FNDC3B: variants seen among roughly 807,000 people sequenced by gnomAD.
FNDC3B encodes the protein fibronectin type III domain-containing protein 3B.
In FNDC3B, 12 loss-of-function variants were observed where a neutral mutation model predicts 151.5. That is an observed-to-expected ratio of 0.08 (90% confidence interval 0.05 to 0.13). The LOEUF (loss-of-function observed/expected upper bound fraction) is 0.13, where lower values mean the gene tolerates loss of function less well. Ranked by LOEUF, FNDC3B falls within the 10% of genes least tolerant of loss-of-function variation. The pLI, the probability that FNDC3B is intolerant of heterozygous loss-of-function variation, is 1.00. For missense variants in FNDC3B, 1,214 were observed against 1,505.3 expected (o/e 0.81, Z 3.20); for synonymous variants, 528 against 549.0 (o/e 0.96, Z 0.54).
chr3:172,189,404 T>C (rs1170106265), intron 3 of FNDC3B, among the ~76,000 whole-genome samples: 2 of 152,200 alleles, frequency 1.3e-5, no homozygotes, highest in Admixed American at 1.3e-4. Context: ...TATGACAAGG[T>C]GTTCCTACCT....
intron 22 of FNDC3B, among the ~76,000 whole-genome samples, chr3:172,361,096 C>G (rs1734333789): frequency 6.6e-6 from 1 of 152,102 alleles, no homozygotes; most frequent in Admixed American, 6.5e-5. Context: ...CCTCCTAGGC[C>G]TCTGGAGGAG....
chr3:172,332,361 A>G (rs947580880), intron 13 of FNDC3B, among the ~76,000 whole-genome samples: 3 of 152,364 alleles, frequency 2.0e-5, no homozygotes, highest in South Asian at 2.1e-4. Flanking sequence ...AGCCCTCACC[A>G]GTTCCACCAC....
intron 1 of FNDC3B, among the ~76,000 whole-genome samples, chr3:172,111,785 G>A (rs1188265193): frequency 6.6e-6 from 1 of 152,082 alleles, no homozygotes; most frequent in East Asian, 1.9e-4. Context: ...AGTATTAAAG[G>A]GTTCATTGAC....
At chr3:172,085,998 T>C (rs1718530141) in intron 1 of FNDC3B, among the ~76,000 whole-genome samples, 1 of 152,184 alleles carries the variant, frequency 6.6e-6, no homozygotes, top group South Asian at 2.1e-4. Context: ...TTAAAAAATA[T>C]TACTTGTAAA....
intron 1 of FNDC3B, among the ~76,000 whole-genome samples, chr3:172,090,008 G>C (rs1718733649): frequency 6.6e-6 from 1 of 152,200 alleles, no homozygotes; most frequent in Non-Finnish European, 1.5e-5. Context: ...GAGTTGAACA[G>C]TTGTGTTTAA....
intron 22 of FNDC3B, among the ~76,000 whole-genome samples, chr3:172,359,242 T>C (rs953889856): frequency 6.6e-6 from 1 of 152,204 alleles, no homozygotes; most frequent in African/African-American, 2.4e-5. Context: ...TAAATTCTTA[T>C]AAGTGATTTA....
intron 6 of FNDC3B, among the ~76,000 whole-genome samples, chr3:172,274,141 G>A (rs906376405): frequency 3.3e-5 from 5 of 152,124 alleles, no homozygotes; most frequent in Non-Finnish European, 7.4e-5. Flanking sequence ...AATTATTATA[G>A]GATATGGTCT....
intron 6 of FNDC3B, among the ~76,000 whole-genome samples, chr3:172,285,448 G>A (rs145594383): frequency 1.3e-5 from 2 of 152,128 alleles, no homozygotes; most frequent in Admixed American, 6.5e-5. Flanking sequence ...GTGGCTGCCC[G>A]TCGAACGTAA....
chr3:172,357,748 A>G (rs1355941318), intron 22 of FNDC3B, among the ~76,000 whole-genome samples: 1 of 151,556 alleles, frequency 6.6e-6, no homozygotes, highest in Non-Finnish European at 1.5e-5. Context: ...TTTTTTTTTC[A>G]ATTTTGAATG....
chr3:172,397,614 G>A lies in FNDC3B; in HGVS notation c.*139G>A, dbSNP rs1164569842. On this transcript the variant is annotated 3_prime_UTR_variant, in exon 26 of 26. Transcript: ENST00000415807. ...AGATTTAGCTAGAAAAAAAATGTCA[G>A]TGTTTTGGTGCACCTTTTTGAAATG... 4.4e-6 allele frequency: 2 copies of A among 453,744 alleles called. No individual in the cohort carries two copies. Among genetic ancestry groups the A allele is most frequent in the Non-Finnish European group, 7.4e-6 (2 of 271,494 alleles). 28.1% of individuals were successfully genotyped at this position (453,744 alleles called of 1,614,324 possible). A position where few individuals can be genotyped will look rare whatever the true frequency, so the allele number is the denominator to read the frequency against.
chr3:172,100,946 C>T (rs1719350394), intron 1 of FNDC3B, among the ~76,000 whole-genome samples: 1 of 152,214 alleles, frequency 6.6e-6, no homozygotes, highest in Admixed American at 6.5e-5. Flanking sequence ...TCTACAATTG[C>T]TTATGTCAGA....
chr3:172,353,699 G>A (rs1483373527), intron 22 of FNDC3B, among the ~76,000 whole-genome samples: 2 of 152,182 alleles, frequency 1.3e-5, no homozygotes, highest in East Asian at 1.9e-4. Flanking sequence ...AGATGAAATG[G>A]TTTAGTAGTG....
intron 7 of FNDC3B, among the ~76,000 whole-genome samples, chr3:172,292,109 T>G (rs1730371320): frequency 6.6e-6 from 1 of 152,232 alleles, no homozygotes. Context: ...AGTGATCTTT[T>G]TCTCCTCATT....
intron 9 of FNDC3B, among the ~76,000 whole-genome samples, chr3:172,306,104 A>G (rs908589262): frequency 2.0e-5 from 3 of 152,190 alleles, no homozygotes; most frequent in East Asian, 1.9e-4. Context: ...TATGGCCTCT[A>G]TGAATTTTTC....
chr3:172,290,903 G>C (rs922360783), intron 7 of FNDC3B, among the ~76,000 whole-genome samples: 2 of 152,150 alleles, frequency 1.3e-5, no homozygotes, highest in South Asian at 2.1e-4. Flanking sequence ...TATTTCCTTA[G>C]TGTACTCTTT....
intron 23 of FNDC3B, among the ~76,000 whole-genome samples, chr3:172,365,544 A>G (rs1013560956): frequency 1.9e-4 from 29 of 152,240 alleles, no homozygotes; most frequent in African/African-American, 6.3e-4. Flanking sequence ...CCTTGGCTCA[A>G]GACAACCCAA....
At chr3:172,109,865 C>A (rs1025004659) in intron 1 of FNDC3B, among the ~76,000 whole-genome samples, 1 of 152,226 alleles carries the variant, frequency 6.6e-6, no homozygotes, top group African/African-American at 2.4e-5. Context: ...CAGTGGACTT[C>A]TTTGGTTTAT....
intron 7 of FNDC3B, among the ~76,000 whole-genome samples, chr3:172,293,095 C>T (rs1385061065): frequency 6.6e-6 from 1 of 152,204 alleles, no homozygotes; most frequent in Non-Finnish European, 1.5e-5. Context: ...CAGGTTGGGG[C>T]TCCTCGAGGC....
intron 5 of FNDC3B, among the ~76,000 whole-genome samples, chr3:172,248,558 G>C (rs1471350798): frequency 6.6e-6 from 1 of 151,948 alleles, no homozygotes; most frequent in Non-Finnish European, 1.5e-5. Flanking sequence ...TTTCTTCTGA[G>C]TCTGACTATG....
Sources: allele counts gnomAD v4.1 joint callset (sites outside exome capture counted in the v4.1 genomes callset), GRCh38; gene constraint gnomAD v4.1.1; transcripts MANE v1.5; gene names NCBI Gene and HGNC (gene_info 2026-07-23, HGNC 2026-07-21).